Variants in CMSS1 observed in about 807,000 individuals in gnomAD.
CMSS1 encodes cms1 ribosomal small subunit homolog.
In CMSS1, 33 loss-of-function variants were observed where a neutral mutation model predicts 43.5. The observed-to-expected ratio is 0.76, with a 90% CI of 0.57 to 1.01. CMSS1 has a LOEUF of 1.01. Among genes scored for constraint, CMSS1 ranks in the 50% least tolerant of loss-of-function variants. CMSS1 has a pLI of 0.00. For synonymous variants in CMSS1, 115 were observed against 117.2 expected, an observed-to-expected ratio of 0.98 and a Z score of 0.12; for missense variants, 313 against 326.4, an observed-to-expected ratio of 0.96 and a Z score of 0.32.
intron 1 of CMSS1, among the ~76,000 whole-genome samples, chr3:99,913,520 A>G (rs1322291263): frequency 6.6e-6 from 1 of 152,236 alleles, no homozygotes; most frequent in Non-Finnish European, 1.5e-5. Context: ...AATAAAAAGG[A>G]TACAATCTAA....
intron 1 of CMSS1, among the ~76,000 whole-genome samples, chr3:100,139,528 A>ATGT (rs2066784712): frequency 9.0e-6 from 1 of 111,016 alleles, no homozygotes; most frequent in African/African-American, 3.6e-5. Flanking sequence ...CTAAAAAAAA[A>ATGT]ATGTGTGTGT....
At chr3:100,105,913 T>A (rs973426462) in intron 1 of CMSS1, among the ~76,000 whole-genome samples, 1 of 152,188 alleles carries the variant, frequency 6.6e-6, no homozygotes, top group Non-Finnish European at 1.5e-5. Context: ...TGAGCTTTCT[T>A]TTCTCACTTC....
intron 1 of CMSS1, among the ~76,000 whole-genome samples, chr3:99,936,237 T>G (rs1265323071): frequency 6.6e-6 from 1 of 151,956 alleles, no homozygotes; most frequent in Non-Finnish European, 1.5e-5. Flanking sequence ...ACTACTCCAA[T>G]TTAGAGAAAG....
rs199530891 is a variant in CMSS1, at chr3:99,851,003, C to T, written c.64+32960C>T. The stretch of plus-strand genomic sequence containing the variant: ...GTCAGCTCCTCTTTCAGGGTGGTGA[C>T]CCTTTTCTCCTTTTCTTGCTCCTTC... On this transcript the variant is annotated intron_variant, in intron 1 of 9. Coordinates refer to ENST00000421999, the MANE Select transcript of CMSS1 (RefSeq NM_032359.4). 2.0e-4 allele frequency: 330 copies of T among 1,613,144 alleles called. 3 individuals carry two copies. The highest frequency in any genetic ancestry group is 1.3e-3 in the Middle Eastern group (8 of 6,054).
At chr3:99,989,684 A>ATATT (rs1491243903) in intron 1 of CMSS1, among the ~76,000 whole-genome samples, 2 of 58,340 alleles carry the variant, frequency 3.4e-5, no homozygotes, top group African/African-American at 1.2e-4. Flanking sequence ...ATATATATAT[A>ATATT]TTTTTTTTCT....
chr3:100,064,646 G>T lies in CMSS1; in HGVS notation c.65-82327G>T, dbSNP rs527328714. On this transcript the variant is annotated intron_variant, in intron 1 of 9. Coordinates refer to ENST00000421999, the MANE Select transcript of CMSS1 (RefSeq NM_032359.4). ...AGACTGGCAAAAGGGCTTGGAAAAT[G>T]CTTACAGACCTAATGGAACTTTTTA... 2.6e-5 allele frequency among the ~76,000 whole-genome samples: 4 copies of T among 152,304 alleles called. No individual in the cohort carries two copies. In the East Asian group the frequency reaches 7.7e-4, roughly 29 times the overall value.
intron 1 of CMSS1, among the ~76,000 whole-genome samples, chr3:100,120,564 C>A (rs1228408574): frequency 6.6e-6 from 1 of 152,152 alleles, no homozygotes. Flanking sequence ...ATTATACCAA[C>A]CGTGCTAAGC....
rs574614382 is a variant in CMSS1, at chr3:100,179,612, C to T, written c.*1224C>T. On this transcript the variant is annotated 3_prime_UTR_variant, in exon 10 of 10. Coordinates refer to ENST00000421999, the MANE Select transcript of CMSS1 (RefSeq NM_032359.4). ...GATGCAAGGAGTGGGCTCCCAAGGC[C>T]TTAGGCAGCTCTGCCCCTGTGGCTC... is the stretch of plus-strand genomic sequence containing the variant. The T allele has an allele frequency of 1.8e-3, 271 of 152,306 alleles. No homozygotes were observed. The highest frequency in any genetic ancestry group is 6.2e-3 in the African/African-American group (257 of 41,572). 9.4% of individuals were successfully genotyped at this position (152,306 alleles called of 1,614,324 possible). A position where few individuals can be genotyped will look rare whatever the true frequency, so the allele number is the denominator to read the frequency against.
Position 100,020,864 on chromosome 3 carries a change from T to C in CMSS1, c.65-126109T>C, listed in dbSNP as rs2107227798. Reference sequence around the variant, plus strand: ...CTCACTGCAACCTCTGCCTCCCAGGTTCAAGTGATTCTCCTGCCTTAGTCT... The same window carrying C: ...CTCACTGCAACCTCTGCCTCCCAGGCTCAAGTGATTCTCCTGCCTTAGTCT... On this transcript the variant is annotated intron_variant, in intron 1 of 9. Coordinates refer to ENST00000421999, the MANE Select transcript of CMSS1 (RefSeq NM_032359.4). 4.1e-5 allele frequency among the ~76,000 whole-genome samples: 6 copies of C among 145,700 alleles called. 1 individual carries two copies. In the South Asian group the frequency reaches 1.3e-3, roughly 32 times the overall value.
In CMSS1 at chr3:100,115,629, GTC is replaced by G. The variant is rs1242624231; in HGVS notation, c.65-31333_65-31332del. 5.8e-5 allele frequency among the ~76,000 whole-genome samples: 3 copies of G among 52,112 alleles called. No individual in the cohort carries two copies. The Admixed American group carries it at 6.1e-4, about 11-fold the overall frequency. The allele number at this position is 52,112 out of a possible 152,430, so 34.2% of individuals were successfully genotyped here. On this transcript the variant is annotated intron_variant, in intron 1 of 9. Coordinates refer to ENST00000421999, the MANE Select transcript of CMSS1 (RefSeq NM_032359.4). ...TCTCTCTCTCTCTCTCTCTCTCTCTGTCTCTCTCTCTCATCCTCCTTTCCACC... is the reference window on the plus strand; with the variant it reads ...TCTCTCTCTCTCTCTCTCTCTCTCTGTCTCTCTCTCATCCTCCTTTCCACC...
intron 1 of CMSS1, among the ~76,000 whole-genome samples, chr3:99,948,063 A>G (rs74711359): frequency 0.089 from 13,627 of 152,286 alleles, 779 homozygotes; most frequent in East Asian, 0.2. Context: ...TAAAGCTATA[A>G]CATTCTGTTT....
rs960550340 is a variant in CMSS1 at position 100,156,037 on chromosome 3, A to G, written c.154-4393A>G. Among the ~76,000 whole-genome samples the G allele has an allele frequency of 2.0e-5, 3 of 152,058 alleles. No individual in the cohort carries two copies. The East Asian group carries it at 5.8e-4, about 29-fold the overall frequency. On this transcript the variant is annotated intron_variant, in intron 2 of 9. Coordinates refer to ENST00000421999, the MANE Select transcript of CMSS1 (RefSeq NM_032359.4). ...TAATGGGCTTTCAATCTGGAGTTTT[A>G]TGTTCTAGAAAGTTTCCTTCAGGCA...
At chr3:100,149,406 A>T (rs547193565) in intron 2 of CMSS1, among the ~76,000 whole-genome samples, 9 of 152,154 alleles carry the variant, frequency 5.9e-5, no homozygotes, top group Non-Finnish European at 2.9e-5. Flanking sequence ...GGAAAATTGG[A>T]TTAACCGTGT....
Position 100,113,110 on chromosome 3 carries a change from G to C in CMSS1, c.65-33863G>C, listed in dbSNP as rs1457042954. Among the ~76,000 whole-genome samples the C allele has an allele frequency of 2.0e-5, 3 of 152,196 alleles. No homozygotes were observed. The East Asian group carries it at 5.8e-4, about 29-fold the overall frequency. On this transcript the variant is annotated intron_variant, in intron 1 of 9. Coordinates refer to ENST00000421999, the MANE Select transcript of CMSS1 (RefSeq NM_032359.4). ...TGTTGCACCTCTTCTATTCCTTCCTGAGATGTGAACAGATAATGAATAAAG... is the reference window on the plus strand; with the variant it reads ...TGTTGCACCTCTTCTATTCCTTCCTCAGATGTGAACAGATAATGAATAAAG...
At chr3:99,986,080 T>C (rs941360592) in intron 1 of CMSS1, among the ~76,000 whole-genome samples, 11 of 152,192 alleles carry the variant, frequency 7.2e-5, no homozygotes, top group African/African-American at 2.7e-4. Context: ...CTATAAGATA[T>C]TAAAATTTAT....
intron 1 of CMSS1, among the ~76,000 whole-genome samples, chr3:99,890,842 T>C (rs2107614230): frequency 6.6e-6 from 1 of 152,236 alleles, no homozygotes; most frequent in East Asian, 1.9e-4. Flanking sequence ...TCAATAATTG[T>C]ATATTATTTT....
At chr3:99,936,122 G>A (rs1445159164) in intron 1 of CMSS1, among the ~76,000 whole-genome samples, 1 of 152,082 alleles carries the variant, frequency 6.6e-6, no homozygotes, top group African/African-American at 2.4e-5. Context: ...AATTGTGGAT[G>A]TGACTAGAGG....
At chr3:100,076,521 G>A (rs1211597268) in intron 1 of CMSS1, among the ~76,000 whole-genome samples, 1 of 152,186 alleles carries the variant, frequency 6.6e-6, no homozygotes, top group Non-Finnish European at 1.5e-5. Context: ...TAATCTGTGG[G>A]TTACAGTATC....
chr3:100,076,348 G>A (rs1167394333), intron 1 of CMSS1, among the ~76,000 whole-genome samples: 1 of 152,134 alleles, frequency 6.6e-6, no homozygotes, highest in Non-Finnish European at 1.5e-5. Flanking sequence ...CAAAGTCCAG[G>A]TGCTTACACT....
Sources: allele counts gnomAD v4.1 joint callset (sites outside exome capture counted in the v4.1 genomes callset), GRCh38; gene constraint gnomAD v4.1.1; transcripts MANE v1.5; gene names NCBI Gene and HGNC (gene_info 2026-07-23, HGNC 2026-07-21).